The following NCOR2 variants were observed in gnomAD, a reference collection of about 807,000 sequenced individuals.
NCOR2 encodes the protein nuclear receptor corepressor 2, also known as CTG repeat protein 26.
In NCOR2, 81 loss-of-function variants were observed where a neutral mutation model predicts 262.9. That is an observed-to-expected ratio of 0.31 (90% CI 0.26 to 0.37). The LOEUF (loss-of-function observed/expected upper bound fraction) is 0.37. Among genes scored for constraint, NCOR2 ranks in the 10% least tolerant of loss-of-function variants. The pLI, the probability that NCOR2 is intolerant of heterozygous loss-of-function variation, is 1.00. For missense variants in NCOR2, 3,385 were observed against 3,621.4 expected, an observed-to-expected ratio of 0.93 and a Z score of 1.68; for synonymous variants, 1,659 against 1,559.3, an observed-to-expected ratio of 1.06 and a Z score of -1.51.
chr12:124,409,104 G>A (rs560810355), intron 13 of NCOR2, among the ~76,000 whole-genome samples: 2 of 152,362 alleles, frequency 1.3e-5, no homozygotes, highest in East Asian at 3.9e-4. Flanking sequence ...TCGACAGAAC[G>A]TGAGCAACAT....
chr12:124,369,590 AG>A (rs897730384), intron 20 of NCOR2, among the ~76,000 whole-genome samples: 2 of 147,494 alleles, frequency 1.4e-5, no homozygotes, highest in African/African-American at 4.9e-5. Context: ...CGGCAGAGGG[AG>A]GGGTGGCGGG....
At chr12:124,545,117 C>T (rs1325604315) in intron 1 of NCOR2, among the ~76,000 whole-genome samples, 1 of 152,132 alleles carries the variant, frequency 6.6e-6, no homozygotes, top group Non-Finnish European at 1.5e-5. Flanking sequence ...CACCAGGCCA[C>T]CTCCCCAGGG....
chr12:124,547,920 T>C (rs1239147828), intron 1 of NCOR2, among the ~76,000 whole-genome samples: 1 of 152,222 alleles, frequency 6.6e-6, no homozygotes, highest in Non-Finnish European at 1.5e-5. Context: ...GAAAAGTGTG[T>C]TATAAAGAAT....
chr12:124,493,590 T>C (rs2048210809), intron 1 of NCOR2, among the ~76,000 whole-genome samples: 2 of 152,194 alleles, frequency 1.3e-5, no homozygotes, highest in Admixed American at 6.5e-5. Flanking sequence ...CAGAGCATGA[T>C]AGTCCCACTC....
chr12:124,457,242 G>T lies in NCOR2; in HGVS notation c.706-80C>A, dbSNP rs942893461. ...TTATAAATAGAGGCTTCCCGGAGCA[G>T]CGGGCACCTGCCCAGCCCAGTCCAG... On this transcript the variant is annotated intron_variant, in intron 5 of 46. Coordinates refer to ENST00000405201, the Ensembl canonical transcript of NCOR2. This position sits in a 1 kb window ranked among gnomAD's most constrained non-coding sequence, Gnocchi z 4.0. 2 of 1,412,624 alleles carry T rather than the reference G, an allele frequency of 1.4e-6. No homozygotes were observed. The highest frequency in any genetic ancestry group is 1.9e-6 in the Non-Finnish European group (2 of 1,065,864). The allele number at this position is 1,412,624 out of a possible 1,614,324, so 87.5% of individuals were successfully genotyped here.
At chr12:124,471,656 C>T (rs1265145093) in intron 4 of NCOR2, among the ~76,000 whole-genome samples, 1 of 152,246 alleles carries the variant, frequency 6.6e-6, no homozygotes, top group East Asian at 1.9e-4. Context: ...GCAGCCTAAA[C>T]CTCCTGGGCT....
intron 1 of NCOR2, among the ~76,000 whole-genome samples, chr12:124,509,863 C>A (rs867200346): frequency 6.6e-6 from 1 of 152,046 alleles, no homozygotes; most frequent in Non-Finnish European, 1.5e-5. Context: ...AGACACACCC[C>A]CCGACGGCCG....
intron 23 of NCOR2, 134 bp from the exon 26 acceptor site, chr12:124,355,705 C>T: frequency 7.6e-7 from 1 of 1,311,528 alleles, no homozygotes; most frequent in Non-Finnish European, 1.0e-6. Context: ...CCTCTATTGC[C>T]CTGCCTGGCT....
chr12:124,423,152 G>C, intron 11 of NCOR2, among the ~76,000 whole-genome samples: 1 of 152,234 alleles, frequency 6.6e-6, no homozygotes. Context: ...TTCCTGCGTA[G>C]CCAGGAGAAT....
chr12:124,491,101 C>T lies in NCOR2; in HGVS notation c.105+4046G>A, dbSNP rs575852470. Among the ~76,000 whole-genome samples the T allele has an allele frequency of 3.3e-5, 5 of 152,358 alleles. No individual in the cohort carries two copies. In the South Asian group the frequency reaches 1.0e-3, roughly 32 times the overall value. Reference sequence around the variant, plus strand: ...ACTCCCTTACACCCTGGCTGAGCTGCTTTCACACCATACGGGCCGCGAAGG... The same window carrying T: ...ACTCCCTTACACCCTGGCTGAGCTGTTTTCACACCATACGGGCCGCGAAGG... On this transcript the variant is annotated intron_variant, in intron 1 of 46. Coordinates refer to ENST00000405201, the Ensembl canonical transcript of NCOR2.
intron 20 of NCOR2, among the ~76,000 whole-genome samples, chr12:124,371,082 A>G (rs186437929): frequency 5.1e-4 from 77 of 152,124 alleles, no homozygotes; most frequent in African/African-American, 1.6e-3. Context: ...AATCCCCCAC[A>G]TGGTTTCATG....
chr12:124,564,833 T>C (rs1333147342), intron 1 of NCOR2, among the ~76,000 whole-genome samples: 1 of 151,902 alleles, frequency 6.6e-6, no homozygotes, highest in Non-Finnish European at 1.5e-5. Flanking sequence ...CCAGCATGAA[T>C]GGCAGACGCT....
intron 26 of NCOR2, 75 bp from the exon 29 acceptor site, chr12:124,354,271 C>A (rs1475500802): frequency 7.0e-7 from 1 of 1,425,498 alleles, no homozygotes; most frequent in Non-Finnish European, 9.6e-7. Flanking sequence ...CTGAGAGCCA[C>A]CCTGACTGAG....
chr12:124,351,060 G>A (rs2037409898), intron 27 of NCOR2, among the ~76,000 whole-genome samples: 1 of 152,158 alleles, frequency 6.6e-6, no homozygotes, highest in African/African-American at 2.4e-5. Flanking sequence ...CGAGGCACAG[G>A]GAGGCACAGT....
At chr12:124,377,318 G>A (rs12367444) in intron 18 of NCOR2, among the ~76,000 whole-genome samples, 64,079 of 152,002 alleles carry the variant, frequency 0.42, 16,275 homozygotes, top group Middle Eastern at 0.57. Flanking sequence ...AACACACTCC[G>A]TGGTACCTGG....
At chr12:124,397,326 A>G (rs2041742388) in intron 16 of NCOR2, among the ~76,000 whole-genome samples, 1 of 152,164 alleles carries the variant, frequency 6.6e-6, no homozygotes, top group African/African-American at 2.4e-5. Context: ...GCCAACCTAG[A>G]CGACCCTCCC....
At chr12:124,559,219 A>T (rs1594075386) in intron 1 of NCOR2, among the ~76,000 whole-genome samples, 1 of 152,178 alleles carries the variant, frequency 6.6e-6, no homozygotes, top group Non-Finnish European at 1.5e-5. Flanking sequence ...GAAGCAGGGG[A>T]CCTGAAGCAT....
rs373456001 is a variant in NCOR2, at chr12:124,333,990, ATG to A, written c.6605+432_6605+433del. Among the ~76,000 whole-genome samples, 518 of 148,712 alleles carry A rather than the reference ATG, an allele frequency of 3.5e-3. 4 individuals are homozygous for A. The highest frequency in any genetic ancestry group is 0.012 in the African/African-American group (493 of 40,420). On this transcript the variant is annotated intron_variant, in intron 41 of 46. Transcript: ENST00000405201. Reference sequence around the variant, plus strand: ...CGGGTGCGCATGTGTGCGGGTGTGCATGTGTGTGTGTGCGCATGTGTGTGGGT... The same window carrying A: ...CGGGTGCGCATGTGTGCGGGTGTGCATGTGTGTGTGCGCATGTGTGTGGGT...
intron 28 of NCOR2, 44 bp from the exon 31 acceptor site, chr12:124,348,358 C>T: frequency 6.4e-7 from 1 of 1,559,324 alleles, no homozygotes; most frequent in Non-Finnish European, 8.7e-7. Context: ...GGGCACGGGC[C>T]CAGGACCACG....
Sources: gnomAD v4.1 joint callset for allele counts (sites outside exome capture counted in the v4.1 genomes callset) on GRCh38, gnomAD v4.1.1 for gene constraint, Gnocchi (gnomAD v3.1) non-coding constraint, MANE v1.5 for transcripts, NCBI Gene and HGNC (gene_info 2026-07-23, HGNC 2026-07-21) for gene names.